ARID1B: variants seen among roughly 807,000 people sequenced by gnomAD.
The protein encoded by ARID1B is AT-rich interactive domain-containing protein 1B.
A neutral mutation model predicts 212.3 loss-of-function variants in ARID1B; 30 were observed. That is an observed-to-expected ratio of 0.14 (90% CI 0.11 to 0.19). The LOEUF is 0.19. Among genes scored for constraint, ARID1B ranks in the 10% least tolerant of loss-of-function variants. ARID1B has a pLI of 1.00. For synonymous variants in ARID1B, 1,402 were observed against 1,301.7 expected (o/e 1.08, Z -1.66); for missense variants, 2,891 against 3,204.0 (o/e 0.90, Z 2.36).
intron 4 of ARID1B, among the ~76,000 whole-genome samples, chr6:157,004,056 CA>C (rs958153356): frequency 1.3e-5 from 2 of 151,758 alleles, no homozygotes; most frequent in Non-Finnish European, 2.9e-5. Flanking sequence ...CAAATAAAAA[CA>C]AAAAACAATA....
At chr6:156,839,252 G>C (rs949577279) in intron 2 of ARID1B, among the ~76,000 whole-genome samples, 2 of 152,186 alleles carry the variant, frequency 1.3e-5, no homozygotes, top group African/African-American at 4.8e-5. Flanking sequence ...TCAAAGGCAT[G>C]GTGTTGGCCT....
chr6:156,886,860 A>T (rs1417212973), intron 2 of ARID1B, among the ~76,000 whole-genome samples: 1 of 152,128 alleles, frequency 6.6e-6, no homozygotes, highest in Non-Finnish European at 1.5e-5. Flanking sequence ...TGTGTACTGG[A>T]TATATTTTTG....
chr6:156,792,289 A>G (rs1415675034), intron 1 of ARID1B, among the ~76,000 whole-genome samples: 1 of 152,264 alleles, frequency 6.6e-6, no homozygotes, highest in South Asian at 2.1e-4. Flanking sequence ...TATCAGTCCT[A>G]TGCAGCCCCC....
chr6:156,811,649 C>T (rs1056341405), intron 1 of ARID1B, among the ~76,000 whole-genome samples: 7 of 152,186 alleles, frequency 4.6e-5, no homozygotes, highest in African/African-American at 1.4e-4. Flanking sequence ...ATGCCTGTAC[C>T]AGAAGCCTGG....
At chr6:157,015,058 G>A (rs73793021) in intron 4 of ARID1B, among the ~76,000 whole-genome samples, 5,037 of 152,232 alleles carry the variant, frequency 0.033, 279 homozygotes, top group African/African-American at 0.11. Flanking sequence ...TTGATGCCAC[G>A]TGTCTTTTAA....
chr6:156,972,740 T>C (rs1172031161), intron 4 of ARID1B, among the ~76,000 whole-genome samples: 1 of 152,214 alleles, frequency 6.6e-6, no homozygotes, highest in African/African-American at 2.4e-5. Context: ...CTGCAGGACT[T>C]AGAAATCAGA....
chr6:156,884,224 G>A (rs1028144900), intron 2 of ARID1B, among the ~76,000 whole-genome samples: 1 of 152,048 alleles, frequency 6.6e-6, no homozygotes, highest in Non-Finnish European at 1.5e-5. Flanking sequence ...CCGAGTTGGC[G>A]TCAAAACATT....
At chr6:156,951,387 A>C (rs925208213) in intron 4 of ARID1B, among the ~76,000 whole-genome samples, 1 of 152,212 alleles carries the variant, frequency 6.6e-6, no homozygotes, top group Admixed American at 6.5e-5. Flanking sequence ...TAGCAAAGTA[A>C]AGGGGAAAAA....
At chr6:157,168,085 T>C (rs909097069) in intron 9 of ARID1B, 1 of 152,266 alleles carries the variant, frequency 6.6e-6, no homozygotes, top group East Asian at 1.9e-4. Flanking sequence ...TCCTTGGTTC[T>C]TTCTGATTAC....
chr6:157,120,920 CAT>C (rs1416444826), intron 6 of ARID1B, among the ~76,000 whole-genome samples: 1 of 152,184 alleles, frequency 6.6e-6, no homozygotes, highest in African/African-American at 2.4e-5. Flanking sequence ...TGCTTTCCTG[CAT>C]GGGCCTGGCC....
At chr6:157,184,206 A>G (rs1022212941) in intron 12 of ARID1B, 25 bp from the exon 13 acceptor site, 53 of 1,580,098 alleles carry the variant, frequency 3.4e-5, no homozygotes, top group East Asian at 1.1e-4. Context: ...TTGCAAACCA[A>G]TGATCCTGCC....
chr6:156,872,563 C>T (rs1033953666), intron 2 of ARID1B, among the ~76,000 whole-genome samples: 4 of 152,118 alleles, frequency 2.6e-5, no homozygotes, highest in Admixed American at 1.3e-4. Context: ...TCAGGTGATC[C>T]GCGCGCCTCA....
intron 4 of ARID1B, among the ~76,000 whole-genome samples, chr6:157,014,381 CTTAG>C (rs1779786349): frequency 6.6e-6 from 1 of 152,138 alleles, no homozygotes; most frequent in Non-Finnish European, 1.5e-5. Flanking sequence ...AATCCGCTTC[CTTAG>C]TTAGCTAAAT....
intron 4 of ARID1B, among the ~76,000 whole-genome samples, chr6:157,078,709 A>AT (rs1784452330): frequency 6.6e-6 from 1 of 152,198 alleles, no homozygotes; most frequent in African/African-American, 2.4e-5. Flanking sequence ...TTAGATGCTG[A>AT]TTTTTAAATA....
chr6:156,848,983 G>T (rs1784408904), intron 2 of ARID1B, among the ~76,000 whole-genome samples: 1 of 152,156 alleles, frequency 6.6e-6, no homozygotes, highest in Non-Finnish European at 1.5e-5. Flanking sequence ...TGCCCCTTCT[G>T]CCAGGGAGAA....
intron 8 of ARID1B, among the ~76,000 whole-genome samples, chr6:157,157,315 G>A (rs1280850010): frequency 1.3e-5 from 2 of 152,122 alleles, no homozygotes; most frequent in African/African-American, 2.4e-5. Context: ...GCATTAAAGC[G>A]CACCCATCAC....
At chr6:156,820,931 G>A (rs765031407) in intron 1 of ARID1B, among the ~76,000 whole-genome samples, 45 of 152,152 alleles carry the variant, frequency 3.0e-4, no homozygotes, top group Non-Finnish European at 5.6e-4. Flanking sequence ...CTGATGCTTG[G>A]ATTTAAATAC....
chr6:157,188,982 TA>T (rs896641264), intron 13 of ARID1B, among the ~76,000 whole-genome samples: 7 of 152,090 alleles, frequency 4.6e-5, no homozygotes, highest in Non-Finnish European at 1.0e-4. Flanking sequence ...ATAACAGCAT[TA>T]AAAAAACGCC....
chr6:157,002,493 A>G (rs1042699427), intron 4 of ARID1B, among the ~76,000 whole-genome samples: 1 of 152,232 alleles, frequency 6.6e-6, no homozygotes, highest in Non-Finnish European at 1.5e-5. Context: ...CATTTATACA[A>G]AGGAAACAAA....
Sources: allele counts gnomAD v4.1 joint callset (sites outside exome capture counted in the v4.1 genomes callset), GRCh38; gene constraint gnomAD v4.1.1; transcripts MANE v1.5; gene names NCBI Gene and HGNC (gene_info 2026-07-23, HGNC 2026-07-21).